The following PPAT variants were observed in gnomAD, a reference collection of about 807,000 sequenced individuals.
PPAT encodes amidophosphoribosyltransferase.
PPAT carries 20 observed loss-of-function variants against 60.2 expected under a neutral mutation model. That is an observed-to-expected ratio of 0.33 (90% CI 0.23 to 0.48). The LOEUF is 0.48. PPAT is among the 20% of genes least tolerant of loss of function. The pLI is 0.99. For missense variants in PPAT, 349 were observed against 629.6 expected (o/e 0.55, Z 4.77); for synonymous variants, 194 against 215.1 (o/e 0.90, Z 0.86).
At position 56,417,835 on chromosome 4, in the gene PPAT, GTTTTTTGT is replaced by G. The variant is rs1446892838; in HGVS notation, c.129-10127_129-10120del. ...ATCTTCGGTATAATTTGAAGATTTG[GTTTTTTGT>G]TTTTTTTTTTTTTTTTGAGACAGAG... is the stretch of plus-strand genomic sequence containing the variant. On this transcript the variant is annotated intron_variant, in intron 1 of 10. Transcript: ENST00000264220. Among the ~76,000 whole-genome samples the G allele has an allele frequency of 4.2e-4, 43 of 102,530 alleles. 2 individuals carry two copies. Among genetic ancestry groups the G allele is most frequent in the African/African-American group, 1.5e-3 (42 of 28,696 alleles). The allele number at this position is 102,530 out of a possible 152,430, so 67.3% of individuals were successfully genotyped here.
intron 1 of PPAT, among the ~76,000 whole-genome samples, chr4:56,431,771 T>A (rs1170279561): frequency 6.6e-6 from 1 of 152,216 alleles, no homozygotes; most frequent in African/African-American, 2.4e-5. Context: ...AAAATGTGAC[T>A]GTGTTTTAAA....
chr4:56,417,216 T>C (rs1716801467), intron 1 of PPAT, among the ~76,000 whole-genome samples: 1 of 152,070 alleles, frequency 6.6e-6, no homozygotes, highest in Admixed American at 6.6e-5. Context: ...GAAAAACTTA[T>C]TTGTAACCCA....
At chr4:56,423,747 C>T (rs1454939794) in intron 1 of PPAT, among the ~76,000 whole-genome samples, 2 of 151,760 alleles carry the variant, frequency 1.3e-5, no homozygotes, top group African/African-American at 4.8e-5. Flanking sequence ...AATGCATAGT[C>T]ATCCTAGAGA....
intron 2 of PPAT, among the ~76,000 whole-genome samples, chr4:56,407,013 A>G (rs1459647387): frequency 2.6e-5 from 4 of 152,252 alleles, no homozygotes; most frequent in Non-Finnish European, 4.4e-5. Flanking sequence ...GATACTATTC[A>G]CTAAAACATT....
intron 9 of PPAT, among the ~76,000 whole-genome samples, chr4:56,398,052 A>G (rs1716022571): frequency 3.0e-5 from 2 of 67,462 alleles, no homozygotes; most frequent in East Asian, 2.2e-4. Flanking sequence ...AGGAAAAAAG[A>G]AAAAAAGGCA....
At chr4:56,416,517 A>C (rs1293786961) in intron 1 of PPAT, 1 of 175,424 alleles carries the variant, frequency 5.7e-6, no homozygotes, top group East Asian at 1.9e-4. Flanking sequence ...GAGAAAATTG[A>C]CAATTTTTCC....
Position 56,395,463 on chromosome 4 carries a change from T to C in PPAT, c.1443A>G (p.Lys481=). The C allele has an allele frequency of 6.2e-7, 1 of 1,612,638 alleles. No individual in the cohort carries two copies. Among genetic ancestry groups the C allele is most frequent in the South Asian group, 1.1e-5 (1 of 90,884 alleles). ...TTTCTTGGATCATAATATCGTGCTT[T>C]TTCTCTTTCTGTTTTTTAAACTTTA... ...EGIKFKKQKE[K]KHDIMIQENG... The change falls in exon 11 of 11, where the codon AAA becomes AAG. Residue 481 remains lysine, a synonymous_variant. Coordinates refer to ENST00000264220, the MANE Select transcript of PPAT (RefSeq NM_002703.5).
chr4:56,433,024 A>G (rs1436100639), intron 1 of PPAT, among the ~76,000 whole-genome samples: 3 of 151,016 alleles, frequency 2.0e-5, no homozygotes, highest in South Asian at 4.2e-4. Context: ...AAACTAAACT[A>G]AAAGAAAAAG....
chr4:56,400,809 G>C lies in PPAT; in HGVS notation c.989C>G (p.Pro330Arg). The C allele has an allele frequency of 6.2e-7, 1 of 1,613,784 alleles. No homozygotes were observed. The highest frequency in any genetic ancestry group is 8.5e-7 in the Non-Finnish European group (1 of 1,179,794). Residue 330 changes from proline to arginine, a missense_variant, in exon 8 of 11, where the codon CCT (proline) becomes CGT (arginine). Coordinates refer to ENST00000264220, the MANE Select transcript of PPAT (RefSeq NM_002703.5). ...LVSTVPESAT[P>R]AALAYAGKCG... ...CTTTCCTGCGTAAGCAAGAGCAGCA[G>C]GCGTAGCAGATTCTGGAACAGTGCT...
chr4:56,406,305 A>G (rs1716239655), intron 3 of PPAT, among the ~76,000 whole-genome samples, 190 bp downstream of exon 3: 1 of 152,094 alleles, frequency 6.6e-6, no homozygotes, highest in African/African-American at 2.4e-5. Flanking sequence ...CTTGTCTCGA[A>G]CTCTAGGGGA....
intron 1 of PPAT, chr4:56,420,642 A>C (rs890669393): frequency 2.0e-5 from 3 of 152,346 alleles, no homozygotes; most frequent in African/African-American, 7.2e-5. Context: ...TAATAAAGCA[A>C]ATATGCAACC....
chr4:56,413,191 ACT>A, intron 1 of PPAT, among the ~76,000 whole-genome samples: 1 of 151,968 alleles, frequency 6.6e-6, no homozygotes, highest in South Asian at 2.1e-4. Context: ...ACAGAGTCTC[ACT>A]CTGTCACCCA....
At chr4:56,422,481 ACGTGTGTGTG>A (rs1717088979) in intron 1 of PPAT, 1 of 77,412 alleles carries the variant, frequency 1.3e-5, no homozygotes, top group African/African-American at 4.8e-5. Flanking sequence ...TTTTTTTTGT[ACGTGTGTGTG>A]TGTGTGTGTG....
intron 1 of PPAT, among the ~76,000 whole-genome samples, chr4:56,409,791 G>A (rs1023408559): frequency 2.6e-5 from 4 of 152,184 alleles, no homozygotes; most frequent in Admixed American, 6.5e-5. Context: ...TGTGCCTGTA[G>A]ACTTTAGTAG....
rs1716719326 is a variant in PPAT, at chr4:56,416,062, T to A, written c.129-8346A>T. On this transcript the variant is annotated intron_variant, in intron 1 of 10. Transcript: ENST00000264220. ...TCCAGCCTGGGCGACAGAGTAAGAC[T>A]CTGTCTCAAAAAAAAAAAAAAAGTA... 3.7e-5 allele frequency among the ~76,000 whole-genome samples: 3 copies of A among 80,378 alleles called. No individual in the cohort carries two copies. The Admixed American group carries it at 5.1e-4, about 14-fold the overall frequency. The allele number at this position is 80,378 out of a possible 152,430, so 52.7% of individuals were successfully genotyped here.
chr4:56,431,359 G>C (rs947620208), intron 1 of PPAT: 4 of 653,972 alleles, frequency 6.1e-6, no homozygotes, highest in Non-Finnish European at 7.6e-6. Flanking sequence ...AAGTCTGACT[G>C]AGTGCATCTC....
chr4:56,422,704 A>G (rs1351935894), intron 1 of PPAT: 5 of 152,144 alleles, frequency 3.3e-5, no homozygotes, highest in East Asian at 1.9e-4. Context: ...TTTAGATTTT[A>G]TATCTATATA....
At position 56,393,535 on chromosome 4, in the gene PPAT, T is replaced by C. The variant is rs530543316; in HGVS notation, c.*1817A>G. 3.5e-3 allele frequency: 282 copies of C among 80,782 alleles called. No homozygotes were observed. Among genetic ancestry groups the C allele is most frequent in the African/African-American group, 0.012 (265 of 23,024 alleles). 5.0% of individuals were successfully genotyped at this position (80,782 alleles called of 1,614,324 possible). A position where few individuals can be genotyped will look rare whatever the true frequency, so the allele number is the denominator to read the frequency against. On this transcript the variant is annotated 3_prime_UTR_variant, in exon 11 of 11. Coordinates refer to ENST00000264220, the MANE Select transcript of PPAT (RefSeq NM_002703.5). ...CAGTTAAACAACATTTGAGATTAAA[T>C]TGGTAAAAAAAAATTGTAATTGAAT...
In PPAT at chr4:56,394,189, T is replaced by C. The variant is rs1715905381; in HGVS notation, c.*1163A>G. The C allele has an allele frequency of 6.6e-6, 1 of 152,102 alleles. No individual in the cohort carries two copies. The highest frequency in any genetic ancestry group is 1.5e-5 in the Non-Finnish European group (1 of 68,002). 9.4% of individuals were successfully genotyped at this position (152,102 alleles called of 1,614,324 possible). A position where few individuals can be genotyped will look rare whatever the true frequency, so the allele number is the denominator to read the frequency against. On this transcript the variant is annotated 3_prime_UTR_variant, in exon 11 of 11. Transcript: ENST00000264220. The stretch of plus-strand genomic sequence containing the variant: ...AAAAAACTTCAAAAAAGAAATCAAA[T>C]TCATTAGATCTTAATATAGTAGAAA...
Sources: gnomAD v4.1 joint callset for allele counts (sites outside exome capture counted in the v4.1 genomes callset) on GRCh38, gnomAD v4.1.1 for gene constraint, MANE v1.5 for transcripts, NCBI Gene and HGNC (gene_info 2026-07-23, HGNC 2026-07-21) for gene names.